The following IL17RE variants were observed in gnomAD, a reference collection of about 807,000 sequenced individuals.
The protein encoded by IL17RE is interleukin-17 receptor E.
Under a neutral mutation model 70.7 loss-of-function variants are expected in IL17RE, and 47 were observed. The observed-to-expected ratio is 0.67, with a 90% CI of 0.53 to 0.85. The LOEUF (loss-of-function observed/expected upper bound fraction) is 0.85, where lower values mean the gene tolerates loss of function less well. IL17RE is among the 40% of genes least tolerant of loss of function. The probability of loss-of-function intolerance (pLI) is 0.00; values close to 1 mark genes in which losing one functional copy is unlikely to be tolerated. For missense variants in IL17RE, 850 were observed against 893.9 expected (o/e 0.95, Z 0.63); for synonymous variants, 372 against 381.2 (o/e 0.98, Z 0.28).
intron 13 of IL17RE, 92 bp from the exon 14 acceptor site, chr3:9,914,456 G>A: frequency 6.4e-7 from 1 of 1,569,844 alleles, no homozygotes. Flanking sequence ...TAGCCAGTGG[G>A]GACTCCCCTC....
chr3:9,910,378 C>A lies in IL17RE; in HGVS notation c.803-487C>A, dbSNP rs531685746. The A allele has an allele frequency of 8.2e-4, 121 of 147,782 alleles. 2 individuals are homozygous for A. The South Asian group carries it at 0.018, about 22-fold the overall frequency. 9.2% of individuals were successfully genotyped at this position (147,782 alleles called of 1,614,324 possible). ...TGCAACTCCGTCTCAAAAAAAAAAA[C>A]AAAAAACAGAAAGGTAATGAAAGGG... On this transcript the variant is annotated intron_variant, in intron 8 of 15. Coordinates refer to ENST00000383814, the MANE Select transcript of IL17RE (RefSeq NM_153480.2).
rs772139133 is a variant in IL17RE at position 9,911,013 on chromosome 3, G to A, written c.951G>A (p.Pro317=). 9.9e-6 allele frequency: 16 copies of A among 1,614,036 alleles called. No individual in the cohort carries two copies. Among genetic ancestry groups the A allele is most frequent in the African/African-American group, 9.3e-5 (7 of 74,910 alleles). The change falls in exon 9 of 16, where the codon CCG becomes CCA. Residue 317 remains proline, a synonymous_variant. Transcript: ENST00000383814. The part of the protein sequence containing the change: ...HDWHTLCKDL[P]NATARESDGW... ...GGCATACCCTTTGCAAAGACCTCCC[G>A]AATGCCACAGCTCGAGAGTCAGATG...
chr3:9,914,500 G>A (rs1204855781), intron 13 of IL17RE, 48 bp from the exon 14 acceptor site: 1 of 1,610,444 alleles, frequency 6.2e-7, no homozygotes, highest in South Asian at 1.1e-5. Flanking sequence ...AGCTCCCCGG[G>A]AGGAGAAGAT....
In IL17RE at chr3:9,909,255, A is replaced by T. The variant is rs761598923; in HGVS notation, c.774A>T (p.Lys258Asn). ...YLQEDTVRRK[K>N]CPFQSWPEAY... ...AAGAGGACACTGTGAGGCGCAAAAA[A>T]TGTCCCTTCCAGAGCTGGCCAGAAG... Residue 258 changes from lysine to asparagine, a missense_variant, in exon 8 of 16, where the codon AAA (lysine) becomes AAT (asparagine). Coordinates refer to ENST00000383814, the MANE Select transcript of IL17RE (RefSeq NM_153480.2). 3 of 1,614,076 alleles carry T rather than the reference A, an allele frequency of 1.9e-6. No individual in the cohort carries two copies. The highest frequency in any genetic ancestry group is 2.5e-6 in the Non-Finnish European group (3 of 1,180,016).
chr3:9,903,525 C>A (rs769871035), intron 2 of IL17RE, 113 bp downstream of exon 2: 22 of 1,195,102 alleles, frequency 1.8e-5, no homozygotes, highest in African/African-American at 6.1e-5. Flanking sequence ...AGCACAATAT[C>A]AAGGAAAAAT....
At chr3:9,911,785 A>ATTTTCTTTT in intron 12 of IL17RE, 188 bp downstream of exon 12, 1 of 495,856 alleles carries the variant, frequency 2.0e-6, no homozygotes, top group Non-Finnish European at 3.5e-6. Flanking sequence ...TCAAGGGAGC[A>ATTTTCTTTT]TTTTCTTTTT....
In IL17RE at chr3:9,915,619, C is replaced by G; in HGVS notation, c.1816C>G (p.Pro606Ala). Residue 606 changes from proline to alanine, a missense_variant, in exon 16 of 16, where the codon CCG (proline) becomes GCG (alanine). By Grantham distance (27) the Pro-to-Ala change is conservative. Coordinates refer to ENST00000383814, the MANE Select transcript of IL17RE (RefSeq NM_153480.2). This position sits in a 1 kb window ranked among gnomAD's most constrained non-coding sequence, Gnocchi z 4.9. The part of the protein sequence containing the change: ...RLCAKGDIPP[P>A]LRALPRYRLL... Reference sequence around the variant, plus strand: ...CTGCGCCAAGGGCGACATCCCCCCGCCGCTGCGCGCCCTGCCGCGCTACCG... The same window carrying G: ...CTGCGCCAAGGGCGACATCCCCCCGGCGCTGCGCGCCCTGCCGCGCTACCG... The G allele has an allele frequency of 2.8e-6, 4 of 1,413,628 alleles. No homozygotes were observed. Among genetic ancestry groups the G allele is most frequent in the Non-Finnish European group, 3.7e-6 (4 of 1,088,150 alleles). The allele number at this position is 1,413,628 out of a possible 1,614,324, so 87.6% of individuals were successfully genotyped here. A position where few individuals can be genotyped will look rare whatever the true frequency, so the allele number is the denominator to read the frequency against.
At chr3:9,907,934 AT>A (rs1295516160) in intron 6 of IL17RE, among the ~76,000 whole-genome samples, 1 of 152,180 alleles carries the variant, frequency 6.6e-6, no homozygotes, top group Non-Finnish European at 1.5e-5. Context: ...GATCACTGTG[AT>A]GCTAGCATGG....
chr3:9,910,248 T>C (rs1291060514), intron 8 of IL17RE: 1 of 151,996 alleles, frequency 6.6e-6, no homozygotes, highest in Non-Finnish European at 1.5e-5. Context: ...GCGCCTGTAG[T>C]CCCAGCTACT....
intron 12 of IL17RE, among the ~76,000 whole-genome samples, chr3:9,912,684 G>A (rs2082921036): frequency 6.6e-6 from 1 of 152,192 alleles, no homozygotes; most frequent in African/African-American, 2.4e-5. Flanking sequence ...GGGCTCCCAA[G>A]CAGACAGGTG....
intron 5 of IL17RE, 21 bp downstream of exon 5, chr3:9,906,886 G>A (rs765180138): frequency 6.2e-7 from 1 of 1,614,136 alleles, no homozygotes; most frequent in Non-Finnish European, 8.5e-7. Flanking sequence ...GGTACAACAG[G>A]AGATGGGTTC....
At chr3:9,902,758 A>G, upstream of IL17RE, 2 of 1,536,052 alleles carry the variant, frequency 1.3e-6, no homozygotes, top group Non-Finnish European at 1.7e-6. Context: ...AGGGGAAGGA[A>G]TGTGGCCTGG....
chr3:9,910,734 G>A, intron 8 of IL17RE, 131 bp from the exon 9 acceptor site: 1 of 692,366 alleles, frequency 1.4e-6, no homozygotes. Flanking sequence ...CATTGATTTA[G>A]TACCTGTTCT....
Position 9,915,335 on chromosome 3 carries a change from T to A in IL17RE, c.1532T>A (p.Leu511Gln). The A allele has an allele frequency of 7.2e-7, 1 of 1,389,186 alleles. No homozygotes were observed. Among genetic ancestry groups the A allele is most frequent in the Non-Finnish European group, 9.3e-7 (1 of 1,080,840 alleles). 86.1% of individuals were successfully genotyped at this position (1,389,186 alleles called of 1,614,324 possible). A position where few individuals can be genotyped will look rare whatever the true frequency, so the allele number is the denominator to read the frequency against. ...QRRLVGALAELLRAALGGGRD... is the reference protein window; with the variant it reads ...QRRLVGALAEQLRAALGGGRD... ...CGCCTGGTGGGAGCGCTGGCTGAAC[T>A]GCTACGGGCAGCGCTGGGCGGCGGG... Residue 511 changes from leucine to glutamine, a missense_variant, in exon 16 of 16, where the codon CTG becomes CAG. By Grantham distance (113) the Leu-to-Gln change is moderately radical. Transcript: ENST00000383814. This position sits in a 1 kb window ranked among gnomAD's most constrained non-coding sequence, Gnocchi z 4.9.
chr3:9,905,229 G>A (rs1314464979), intron 3 of IL17RE, among the ~76,000 whole-genome samples: 1 of 152,060 alleles, frequency 6.6e-6, no homozygotes, highest in African/African-American at 2.4e-5. Context: ...GCTGAGGCGG[G>A]CAGATCACCT....
chr3:9,904,099 A>T lies in IL17RE; in HGVS notation c.216A>T (p.Arg72=). The part of the protein sequence containing the change: ...ALFSTKPWCV[R]VWHCSRCLCQ... Reference sequence around the variant, plus strand: ...TCTCCACAAAGCCTTGGTGTGTGCGAGTCTGGCACTGTTCCCGCTGTTTGT... The same window carrying T: ...TCTCCACAAAGCCTTGGTGTGTGCGTGTCTGGCACTGTTCCCGCTGTTTGT... The change falls in exon 3 of 16, where the codon CGA becomes CGT. Residue 72 remains arginine (R), a synonymous_variant. Coordinates refer to ENST00000383814, the MANE Select transcript of IL17RE (RefSeq NM_153480.2). 1 of 1,614,192 alleles carries T rather than the reference A, an allele frequency of 6.2e-7. No individual in the cohort carries two copies. The highest frequency in any genetic ancestry group is 8.5e-7 in the Non-Finnish European group (1 of 1,180,022).
At chr3:9,912,419 A>G (rs2082914998) in intron 12 of IL17RE, among the ~76,000 whole-genome samples, 1 of 152,142 alleles carries the variant, frequency 6.6e-6, no homozygotes, top group South Asian at 2.1e-4. Context: ...ACCTGTGCAG[A>G]AGTTATCTAT....
Position 9,906,433 on chromosome 3 carries a change from G to A in IL17RE, c.338G>A (p.Arg113Lys), listed in dbSNP as rs1217757241. 2.5e-6 allele frequency: 4 copies of A among 1,613,556 alleles called. No individual in the cohort carries two copies. The highest frequency in any genetic ancestry group is 1.7e-4 in the Middle Eastern group (1 of 6,044). ...SKKSSTFKFY[R>K]RHKMPAPAQR... ...AAGTCTTCCACATTCAAGTTCTATA[G>A]GAGACACAAGATGCCAGCACCTGCT... The change falls in exon 4 of 16, where the codon AGG becomes AAG. Residue 113 changes from arginine (R) to lysine (K), a missense_variant. By Grantham distance (26) the Arg-to-Lys change is conservative. Transcript: ENST00000383814.
At chr3:9,903,092 C>A in intron 1 of IL17RE, 28 bp downstream of exon 1, 1 of 1,587,172 alleles carries the variant, frequency 6.3e-7, no homozygotes. Context: ...GGTAGGGACA[C>A]CTGCCTGGCA....
Sources: gnomAD v4.1 joint callset for allele counts (sites outside exome capture counted in the v4.1 genomes callset) on GRCh38, gnomAD v4.1.1 for gene constraint, Gnocchi (gnomAD v3.1) non-coding constraint, MANE v1.5 for transcripts, NCBI Gene and HGNC (gene_info 2026-07-23, HGNC 2026-07-21) for gene names.